Variants in DSCAM observed in about 807,000 individuals in gnomAD.
DSCAM encodes cell adhesion molecule DSCAM.
In DSCAM, 47 loss-of-function variants were observed where a neutral mutation model predicts 217.7. The ratio of observed to expected loss-of-function variants is 0.22; its 90% CI spans 0.17 to 0.28. DSCAM has a LOEUF of 0.28. Among genes scored for constraint, DSCAM ranks in the 10% least tolerant of loss-of-function variants. The pLI, the probability that DSCAM is intolerant of heterozygous loss-of-function variation, is 1.00. For missense variants in DSCAM, 2,080 were observed against 2,618.3 expected (o/e 0.79, Z 4.49); for synonymous variants, 1,056 against 1,015.3 (o/e 1.04, Z -0.76).
intron 11 of DSCAM, among the ~76,000 whole-genome samples, chr21:40,214,753 C>CAAAAAAAAAAAAAAAAAAAAA (rs2091225663): frequency 8.3e-6 from 1 of 120,218 alleles, no homozygotes; most frequent in African/African-American, 3.2e-5. Context: ...AAAAAAAAAA[C>CAAAAAAAAAAAAAAAAAAAAA]AAAACAAAAA....
intron 3 of DSCAM, among the ~76,000 whole-genome samples, chr21:40,665,939 G>A (rs2090194232): frequency 6.6e-6 from 1 of 150,750 alleles, no homozygotes; most frequent in East Asian, 2.0e-4. Flanking sequence ...TGTTCTTTGG[G>A]CCCTAAGGTG....
At chr21:40,051,177 G>A (rs2088924839) in intron 30 of DSCAM, among the ~76,000 whole-genome samples, 1 of 152,128 alleles carries the variant, frequency 6.6e-6, no homozygotes, top group South Asian at 2.1e-4. Context: ...AGATTTGAAA[G>A]CTAGACGTCA....
chr21:40,014,528 G>T (rs943175921), intron 32 of DSCAM, among the ~76,000 whole-genome samples: 4 of 152,194 alleles, frequency 2.6e-5, no homozygotes, highest in African/African-American at 9.6e-5. Flanking sequence ...TTTTCTCATG[G>T]CCGTCCCCGC....
chr21:40,638,693 T>C (rs2089839259), intron 3 of DSCAM, among the ~76,000 whole-genome samples: 1 of 152,164 alleles, frequency 6.6e-6, no homozygotes, highest in Non-Finnish European at 1.5e-5. Context: ...TTTAAACTAA[T>C]AACTCAGCAA....
At chr21:40,503,372 T>C (rs1023446157) in intron 3 of DSCAM, among the ~76,000 whole-genome samples, 15 of 152,264 alleles carry the variant, frequency 9.9e-5, no homozygotes, top group African/African-American at 3.6e-4. Context: ...CCCCCTCTTA[T>C]GGATGCATCT....
At chr21:40,171,729 T>C (rs1388094985) in intron 15 of DSCAM, among the ~76,000 whole-genome samples, 1 of 152,176 alleles carries the variant, frequency 6.6e-6, no homozygotes, top group African/African-American at 2.4e-5. Flanking sequence ...TCTAAAACAT[T>C]ACTTTAAAAA....
chr21:40,118,057 T>C (rs1300469748), intron 20 of DSCAM, among the ~76,000 whole-genome samples: 1 of 152,160 alleles, frequency 6.6e-6, no homozygotes, highest in Admixed American at 6.5e-5. Context: ...AATATGAAAC[T>C]AGACAGGAGA....
At chr21:40,682,092 A>G (rs910016526) in intron 3 of DSCAM, among the ~76,000 whole-genome samples, 1 of 152,074 alleles carries the variant, frequency 6.6e-6, no homozygotes, top group African/African-American at 2.4e-5. Context: ...TAGTCCTAGG[A>G]AACTAATACA....
intron 3 of DSCAM, among the ~76,000 whole-genome samples, chr21:40,601,100 T>C (rs985921976): frequency 6.6e-6 from 1 of 152,244 alleles, no homozygotes; most frequent in Non-Finnish European, 1.5e-5. Flanking sequence ...ACTCTGAATC[T>C]ATAAATCAAG....
intron 11 of DSCAM, among the ~76,000 whole-genome samples, chr21:40,268,578 A>C (rs2073571819): frequency 6.6e-6 from 1 of 151,546 alleles, no homozygotes; most frequent in African/African-American, 2.4e-5. Flanking sequence ...GCTTGGTAGA[A>C]GGGTGCCTCA....
At chr21:40,298,408 C>T (rs2073979573) in intron 9 of DSCAM, among the ~76,000 whole-genome samples, 1 of 151,998 alleles carries the variant, frequency 6.6e-6, no homozygotes, top group South Asian at 2.1e-4. Context: ...GCAAAGTTCC[C>T]AACTTGCAAA....
At chr21:40,423,100 C>T (rs943929580) in intron 3 of DSCAM, among the ~76,000 whole-genome samples, 2 of 152,114 alleles carry the variant, frequency 1.3e-5, no homozygotes, top group African/African-American at 2.4e-5. Context: ...TTTTCTGTAA[C>T]CTTAGACACT....
intron 1 of DSCAM, among the ~76,000 whole-genome samples, chr21:40,743,385 A>G (rs996349896): frequency 1.3e-5 from 2 of 152,184 alleles, no homozygotes; most frequent in Admixed American, 1.3e-4. Context: ...ATTTCTCACA[A>G]TAATGGCCTT....
At chr21:40,181,891 G>A (rs74548037) in intron 14 of DSCAM, among the ~76,000 whole-genome samples, 3,916 of 152,010 alleles carry the variant, frequency 0.026, 173 homozygotes, top group African/African-American at 0.09. Flanking sequence ...ACGAAAGAGT[G>A]GGCGGGATGC....
intron 3 of DSCAM, among the ~76,000 whole-genome samples, chr21:40,664,358 G>A (rs1444004982): frequency 6.6e-6 from 1 of 152,196 alleles, no homozygotes; most frequent in African/African-American, 2.4e-5. Flanking sequence ...GCCTGTGTGA[G>A]TTTGCTACCT....
At chr21:40,832,867 A>G (rs1374299876) in intron 1 of DSCAM, among the ~76,000 whole-genome samples, 1 of 152,192 alleles carries the variant, frequency 6.6e-6, no homozygotes, top group Non-Finnish European at 1.5e-5. Flanking sequence ...ATTCTTTCCT[A>G]TGCAGTCCCA....
intron 14 of DSCAM, among the ~76,000 whole-genome samples, chr21:40,181,993 G>A (rs73904719): frequency 6.6e-6 from 1 of 152,016 alleles, no homozygotes; most frequent in African/African-American, 2.4e-5. Flanking sequence ...GGAGTGAAGA[G>A]CTGACAGGAG....
At chr21:40,659,440 T>C (rs1437259484) in intron 3 of DSCAM, among the ~76,000 whole-genome samples, 1 of 152,118 alleles carries the variant, frequency 6.6e-6, no homozygotes, top group East Asian at 1.9e-4. Flanking sequence ...ATCTCTCTCA[T>C]ATCTATTCTG....
At chr21:40,546,135 A>G (rs1231940914) in intron 3 of DSCAM, among the ~76,000 whole-genome samples, 1 of 152,204 alleles carries the variant, frequency 6.6e-6, no homozygotes, top group Non-Finnish European at 1.5e-5. Flanking sequence ...CTCCCCTCCT[A>G]GGACACAAGC....
Sources: allele counts gnomAD v4.1 joint callset (sites outside exome capture counted in the v4.1 genomes callset), GRCh38; gene constraint gnomAD v4.1.1; transcripts MANE v1.5; gene names NCBI Gene and HGNC (gene_info 2026-07-23, HGNC 2026-07-21).